AZI2: variants seen among roughly 807,000 people sequenced by gnomAD.
AZI2 encodes 5-azacytidine induced 2.
A neutral mutation model predicts 45.8 loss-of-function variants in AZI2; 22 were observed. The observed-to-expected ratio is 0.48, with a 90% CI of 0.34 to 0.69. The LOEUF is 0.69. AZI2 is among the 30% of genes least tolerant of loss of function. The pLI is 0.01. For synonymous variants in AZI2, 137 were observed against 156.7 expected, an observed-to-expected ratio of 0.87 and a Z score of 0.94; for missense variants, 417 against 441.5, an observed-to-expected ratio of 0.94 and a Z score of 0.50.
At position 28,321,673 on chromosome 3, in the gene AZI2, C is replaced by G. The variant is rs1461431779; in HGVS notation, c.*2369G>C. ...TAGCCTTTCTGAATTAAGATCAGTA[C>G]TTTGTTGTCACATGATTCAGCTCTT... On this transcript the variant is annotated 3_prime_UTR_variant, in exon 8 of 8. Coordinates refer to ENST00000479665, the MANE Select transcript of AZI2 (RefSeq NM_022461.5). 6.6e-6 allele frequency: 1 copy of G among 150,638 alleles called. No homozygotes were observed. The highest frequency in any genetic ancestry group is 2.4e-5 in the African/African-American group (1 of 41,256). 9.3% of individuals were successfully genotyped at this position (150,638 alleles called of 1,614,324 possible).
intron 1 of AZI2, among the ~76,000 whole-genome samples, chr3:28,342,387 T>A (rs1704050736): frequency 1.3e-5 from 2 of 152,016 alleles, no homozygotes; most frequent in South Asian, 4.1e-4. Context: ...AGTTTTTCAA[T>A]AAAGTCCAAG....
intron 6 of AZI2, among the ~76,000 whole-genome samples, chr3:28,329,319 C>T (rs1311707323): frequency 6.6e-6 from 1 of 151,168 alleles, no homozygotes; most frequent in Non-Finnish European, 1.5e-5. Context: ...CTGTCTTTCA[C>T]TTAACCCGGT....
At chr3:28,333,178 T>C (rs1577127886) in intron 5 of AZI2, among the ~76,000 whole-genome samples, 1 of 151,940 alleles carries the variant, frequency 6.6e-6, no homozygotes, top group Middle Eastern at 3.4e-3. Context: ...TTATTATTTC[T>C]TACTAATACA....
intron 6 of AZI2, among the ~76,000 whole-genome samples, chr3:28,329,607 A>T (rs1292785364): frequency 6.6e-6 from 1 of 151,310 alleles, no homozygotes; most frequent in Non-Finnish European, 1.5e-5. Context: ...CTTGTATAAG[A>T]AAAATCCACT....
chr3:28,328,001 C>A (rs1409472334), intron 6 of AZI2, among the ~76,000 whole-genome samples: 1 of 149,972 alleles, frequency 6.7e-6, no homozygotes, highest in Non-Finnish European at 1.5e-5. Flanking sequence ...AATCTAATAT[C>A]TCAAATTACA....
intron 5 of AZI2, among the ~76,000 whole-genome samples, chr3:28,335,662 G>A (rs1241287162): frequency 1.3e-5 from 2 of 151,868 alleles, no homozygotes; most frequent in Admixed American, 6.6e-5. Flanking sequence ...CATTCTTATC[G>A]AGTGGTCACC....
At position 28,322,546 on chromosome 3, in the gene AZI2, A is replaced by AAATAGTTTTTG. The variant is rs2125628606; in HGVS notation, c.*1485_*1495dup. 1 of 151,712 alleles carries AAATAGTTTTTG rather than the reference A, an allele frequency of 6.6e-6. No homozygotes were observed. Among genetic ancestry groups the AAATAGTTTTTG allele is most frequent in the African/African-American group, 2.4e-5 (1 of 41,444 alleles). 9.4% of individuals were successfully genotyped at this position (151,712 alleles called of 1,614,324 possible). On this transcript the variant is annotated 3_prime_UTR_variant, in exon 8 of 8. Transcript: ENST00000479665. ...TATACAGCCTATGCAGCCACATGAG[A>AAATAGTTTTTG]AATAGTTTTTGCTGCTTTGTTATTA...
chr3:28,331,701 T>C, intron 6 of AZI2: 1 of 1,332,896 alleles, frequency 7.5e-7, no homozygotes, highest in African/African-American at 1.5e-5. Context: ...CAGATCAGTA[T>C]TTTTTATTGG....
In AZI2 at chr3:28,345,566, G is replaced by A. The variant is rs191701017; in HGVS notation, c.-6+3035C>T. On this transcript the variant is annotated intron_variant, in intron 1 of 7. Transcript: ENST00000479665. ...GTAAACACTATTGACAATTATTTTT[G>A]AGAACAATGAAATTTCCAAGAATGA... 3.1e-3 allele frequency among the ~76,000 whole-genome samples: 471 copies of A among 151,992 alleles called. 4 individuals carry two copies. The highest frequency in any genetic ancestry group is 0.011 in the African/African-American group (446 of 41,514).
At chr3:28,327,737 TTTC>T (rs902812933) in intron 6 of AZI2, among the ~76,000 whole-genome samples, 1 of 150,848 alleles carries the variant, frequency 6.6e-6, no homozygotes, top group African/African-American at 2.4e-5. Flanking sequence ...CATTCATGAT[TTTC>T]TTTTTTTGCT....
chr3:28,347,975 G>C (rs1704326069), intron 1 of AZI2, among the ~76,000 whole-genome samples: 1 of 152,180 alleles, frequency 6.6e-6, no homozygotes, highest in Non-Finnish European at 1.5e-5. Context: ...ATCACCTCTT[G>C]GAGCAACTGA....
intron 1 of AZI2, among the ~76,000 whole-genome samples, chr3:28,344,819 ATTG>A (rs200202591): frequency 0.012 from 1,892 of 152,252 alleles, 21 homozygotes; most frequent in Non-Finnish European, 0.017. Flanking sequence ...TGAGCAGAAT[ATTG>A]TTATCAAAAA....
At chr3:28,344,331 G>A (rs767313134) in intron 1 of AZI2, among the ~76,000 whole-genome samples, 5 of 151,954 alleles carry the variant, frequency 3.3e-5, no homozygotes, top group Admixed American at 6.6e-5. Flanking sequence ...GACTTCTGGA[G>A]AGTAAAAGCT....
chr3:28,347,388 T>C (rs901300744), intron 1 of AZI2, among the ~76,000 whole-genome samples: 19 of 152,094 alleles, frequency 1.2e-4, no homozygotes, highest in Admixed American at 9.2e-4. Context: ...ACCTCTGAGG[T>C]TGTAAAGAAT....
rs1304443120 is a variant in AZI2, at chr3:28,340,623, CTGTTT to C, written c.-5-6_-5-2del. 6.3e-7 allele frequency: 1 copy of C among 1,585,130 alleles called. No homozygotes were observed. The highest frequency in any genetic ancestry group is 1.2e-5 in the South Asian group (1 of 85,042). On this transcript the variant is annotated splice_acceptor_variant and splice_polypyrimidine_tract_variant and intron_variant, in intron 1 of 7. Coordinates refer to ENST00000479665, the MANE Select transcript of AZI2 (RefSeq NM_022461.5). LOFTEE classifies it low-confidence loss of function (5UTR_SPLICE). ...TCTTCTACCAGTGCATCCATGACAA[CTGTTT>C]AAAAGAAAAAAAATATGAGTGACAA...
In AZI2 at chr3:28,338,054, A is replaced by G. The variant is rs755047349; in HGVS notation, c.340-18T>C. On this transcript the variant is annotated intron_variant, in intron 3 of 7. Transcript: ENST00000479665. ...TCTTTATTCTAGTTAAGTAGGGAAA[A>G]TGCCAAATTACATTCAATAAAATCT... 1.9e-5 allele frequency: 27 copies of G among 1,410,552 alleles called. No homozygotes were observed. The South Asian group carries it at 3.2e-4, about 17-fold the overall frequency. 87.4% of individuals were successfully genotyped at this position (1,410,552 alleles called of 1,614,324 possible). A position where few individuals can be genotyped will look rare whatever the true frequency, so the allele number is the denominator to read the frequency against.
chr3:28,331,544 A>C, intron 6 of AZI2: 1 of 806,902 alleles, frequency 1.2e-6, no homozygotes, highest in Non-Finnish European at 1.5e-6. Flanking sequence ...CTGATCTAGA[A>C]GAGTGGCTGT....
At chr3:28,327,770 G>A (rs1703437146) in intron 6 of AZI2, among the ~76,000 whole-genome samples, 1 of 150,366 alleles carries the variant, frequency 6.7e-6, no homozygotes, top group Admixed American at 6.7e-5. Flanking sequence ...CCAACTAAAT[G>A]AAATTAAAAT....
chr3:28,345,599 G>A (rs1052699234), intron 1 of AZI2, among the ~76,000 whole-genome samples: 2 of 151,944 alleles, frequency 1.3e-5, no homozygotes, highest in African/African-American at 4.8e-5. Context: ...TGATAAAAAA[G>A]AAAGGGCACA....
Sources: allele counts gnomAD v4.1 joint callset (sites outside exome capture counted in the v4.1 genomes callset), GRCh38; gene constraint gnomAD v4.1.1; transcripts MANE v1.5; gene names NCBI Gene and HGNC (gene_info 2026-07-23, HGNC 2026-07-21).